Variants in PLCH1 observed in about 807,000 individuals in gnomAD.
PLCH1 encodes the protein phospholipase C eta 1, also known as 1-phosphatidylinositol 4,5-bisphosphate phosphodiesterase eta-1.
In PLCH1, 60 loss-of-function variants were observed where a neutral mutation model predicts 126.7. The ratio of observed to expected loss-of-function variants is 0.47; its 90% confidence interval spans 0.38 to 0.59. The LOEUF (loss-of-function observed/expected upper bound fraction) is 0.59. Ranked by LOEUF, PLCH1 falls within the 20% of genes least tolerant of loss-of-function variation. The pLI is 0.00. For missense variants in PLCH1, 1,723 were observed against 2,040.0 expected, an observed-to-expected ratio of 0.84 and a Z score of 2.99; for synonymous variants, 719 against 734.9, an observed-to-expected ratio of 0.98 and a Z score of 0.35.
At chr3:155,609,718 A>C (rs1045231954) in intron 2 of PLCH1, among the ~76,000 whole-genome samples, 5 of 152,132 alleles carry the variant, frequency 3.3e-5, no homozygotes, top group African/African-American at 9.6e-5. Flanking sequence ...CAACTTCTGG[A>C]AATGAAAGAC....
At chr3:155,659,068 T>C (rs1407180690) in intron 2 of PLCH1, among the ~76,000 whole-genome samples, 2 of 152,138 alleles carry the variant, frequency 1.3e-5, no homozygotes, top group African/African-American at 4.8e-5. Flanking sequence ...TCATCACTGT[T>C]TGGAGATGTG....
intron 2 of PLCH1, among the ~76,000 whole-genome samples, chr3:155,600,458 T>A (rs2108674986): frequency 6.6e-6 from 1 of 152,332 alleles, no homozygotes; most frequent in South Asian, 2.1e-4. Context: ...TGGCTTAGAA[T>A]GATTTAACTT....
chr3:155,655,313 G>A lies in PLCH1; in HGVS notation c.79+48833C>T, dbSNP rs1053046962. ...TAGCCGAGCATGGTGGCACATGCCTGTAGTCCCAGTTACTCGGGAGGTTAG... is the reference window on the plus strand; with the variant it reads ...TAGCCGAGCATGGTGGCACATGCCTATAGTCCCAGTTACTCGGGAGGTTAG... On this transcript the variant is annotated intron_variant, in intron 2 of 22. Coordinates refer to ENST00000460012, the MANE Select transcript of PLCH1 (RefSeq NM_014996.4). Among the ~76,000 whole-genome samples the A allele has an allele frequency of 2.6e-5, 4 of 152,040 alleles. No individual in the cohort carries two copies. In the East Asian group the frequency reaches 5.8e-4, roughly 22 times the overall value.
chr3:155,673,394 A>C (rs1309650845), intron 2 of PLCH1, among the ~76,000 whole-genome samples: 1 of 152,172 alleles, frequency 6.6e-6, no homozygotes, highest in Non-Finnish European at 1.5e-5. Context: ...TTGTAGATAA[A>C]GCACATGGTC....
At chr3:155,485,753 T>A (rs1201269720) in intron 21 of PLCH1, 43 bp from the exon 22 acceptor site, 2 of 1,230,472 alleles carry the variant, frequency 1.6e-6, no homozygotes, top group Non-Finnish European at 2.3e-6. Flanking sequence ...GCAAATGCCA[T>A]CACATCAACA....
rs557904443 is a variant in PLCH1 at position 155,453,767 on chromosome 3, TA to T, written c.2938+31588del. Among the ~76,000 whole-genome samples, 238 of 151,040 alleles carry T rather than the reference TA, an allele frequency of 1.6e-3. 2 individuals are homozygous for T. In the Middle Eastern group the frequency reaches 0.018, roughly 11 times the overall value. Reference sequence around the variant, plus strand: ...GATTAATAATTAGAAATTAATAATTTATGATTAATTTCTGATAATAAATTAT... The same window carrying T: ...GATTAATAATTAGAAATTAATAATTTTGATTAATTTCTGATAATAAATTAT... On this transcript the variant is annotated intron_variant, in intron 21 of 21. Coordinates refer to the PLCH1 transcript ENST00000494598.
At chr3:155,738,184 CA>C (rs1221519400) in intron 1 of PLCH1, among the ~76,000 whole-genome samples, 2 of 152,192 alleles carry the variant, frequency 1.3e-5, no homozygotes, top group African/African-American at 4.8e-5. Context: ...GAGAGCCCTC[CA>C]GGGACCTGTG....
intron 8 of PLCH1, among the ~76,000 whole-genome samples, chr3:155,562,537 T>C (rs959012826): frequency 6.6e-6 from 1 of 152,164 alleles, no homozygotes; most frequent in Admixed American, 6.5e-5. Flanking sequence ...TCACTACTTC[T>C]CTAAGCAGAT....
chr3:155,610,229 C>T lies in PLCH1; in HGVS notation c.80-13851G>A, dbSNP rs375820807. ...ACAAAAAATTGGCCGGGCATGGTTG[C>T]ACATGCCTATAATCCCAGCTACTCA... On this transcript the variant is annotated intron_variant, in intron 2 of 22. Transcript: ENST00000460012. 3.7e-3 allele frequency among the ~76,000 whole-genome samples: 560 copies of T among 151,912 alleles called. 6 individuals carry two copies. The highest frequency in any genetic ancestry group is 0.025 in the South Asian group (119 of 4,802).
At chr3:155,680,776 T>C (rs1297854331) in intron 2 of PLCH1, among the ~76,000 whole-genome samples, 1 of 152,254 alleles carries the variant, frequency 6.6e-6, no homozygotes, top group Admixed American at 6.5e-5. Context: ...TATCCTTTCC[T>C]TAACATTTGT....
At chr3:155,584,458 T>A (rs1731102483) in intron 5 of PLCH1, among the ~76,000 whole-genome samples, 1 of 152,254 alleles carries the variant, frequency 6.6e-6, no homozygotes, top group African/African-American at 2.4e-5. Context: ...GATTGATTTC[T>A]TGTTAAAATT....
intron 10 of PLCH1, among the ~76,000 whole-genome samples, chr3:155,542,275 G>C (rs1254279109): frequency 6.6e-6 from 1 of 152,136 alleles, no homozygotes; most frequent in African/African-American, 2.4e-5. Context: ...ATGGAGTCTC[G>C]CCGATTGCTA....
chr3:155,549,675 T>C, intron 10 of PLCH1, 112 bp downstream of exon 10: 1 of 743,212 alleles, frequency 1.3e-6, no homozygotes, highest in Non-Finnish European at 2.2e-6. Context: ...AGACAATCCT[T>C]CATATATTGA....
chr3:155,575,110 G>A (rs1459289609), intron 6 of PLCH1, among the ~76,000 whole-genome samples: 1 of 151,580 alleles, frequency 6.6e-6, no homozygotes, highest in Non-Finnish European at 1.5e-5. Flanking sequence ...CAGCCTGTGT[G>A]ACAGAGCAAG....
At chr3:155,652,237 AT>A (rs1740786364) in intron 2 of PLCH1, among the ~76,000 whole-genome samples, 1 of 152,204 alleles carries the variant, frequency 6.6e-6, no homozygotes, top group East Asian at 1.9e-4. Flanking sequence ...AGCTGTTCAC[AT>A]TTTTTTGAGC....
chr3:155,484,747 G>A (rs1458339058), intron 22 of PLCH1, among the ~76,000 whole-genome samples: 3 of 152,024 alleles, frequency 2.0e-5, no homozygotes, highest in African/African-American at 7.2e-5. Context: ...TCAAATTAAG[G>A]AAAAAGACAG....
chr3:155,627,491 C>T (rs1376826740), intron 2 of PLCH1, among the ~76,000 whole-genome samples: 10 of 151,232 alleles, frequency 6.6e-5, no homozygotes, highest in South Asian at 2.1e-4. Context: ...AAAATTAGCC[C>T]GGCGTGGTGG....
At chr3:155,553,537 T>G (rs1726409139) in intron 9 of PLCH1, among the ~76,000 whole-genome samples, 1 of 151,572 alleles carries the variant, frequency 6.6e-6, no homozygotes, top group African/African-American at 2.4e-5. Context: ...AATGAGGAAA[T>G]AGATTAACAG....
intron 14 of PLCH1, among the ~76,000 whole-genome samples, chr3:155,498,075 C>T (rs879810998): frequency 1.3e-5 from 2 of 152,136 alleles, no homozygotes; most frequent in Admixed American, 6.6e-5. Context: ...GGTCCTGCTC[C>T]GTCCCACTCT....
Sources: allele counts gnomAD v4.1 joint callset (sites outside exome capture counted in the v4.1 genomes callset), GRCh38; gene constraint gnomAD v4.1.1; transcripts MANE v1.5; gene names NCBI Gene and HGNC (gene_info 2026-07-23, HGNC 2026-07-21).